Variants in EXTL3 observed in about 807,000 individuals in gnomAD.
The protein encoded by EXTL3 is exostosin-like 3.
In EXTL3, 27 loss-of-function variants were observed where a neutral mutation model predicts 69.3. The ratio of observed to expected loss-of-function variants is 0.39; its 90% confidence interval spans 0.29 to 0.54. The LOEUF (loss-of-function observed/expected upper bound fraction) is 0.54, where lower values mean the gene tolerates loss of function less well. EXTL3 is among the 20% of genes least tolerant of loss of function. EXTL3 has a pLI of 0.69. For synonymous variants in EXTL3, 511 were observed against 499.4 expected, an observed-to-expected ratio of 1.02 and a Z score of -0.31; for missense variants, 1,003 against 1,231.8, an observed-to-expected ratio of 0.81 and a Z score of 2.78.
At chr8:28,668,324 C>CTTTTTTTTTTT (rs71549687) in intron 1 of EXTL3, among the ~76,000 whole-genome samples, 2 of 82,554 alleles carry the variant, frequency 2.4e-5, no homozygotes, top group African/African-American at 5.3e-5. Context: ...AGAGTTGTTA[C>CTTTTTTTTTTT]TTTTTTTTTT....
intron 5 of EXTL3, chr8:28,742,776 A>G (rs1801807232): frequency 8.4e-6 from 3 of 356,060 alleles, no homozygotes; most frequent in East Asian, 6.4e-5. Context: ...ATAGTGTTCA[A>G]TTGAACCAGC....
chr8:28,698,316 T>A (rs150814966), upstream of EXTL3: 1 of 152,154 alleles, frequency 6.6e-6, no homozygotes, highest in Non-Finnish European at 1.5e-5. Context: ...TGAGTTCAGT[T>A]TGGGATATAT....
At chr8:28,737,339 A>G (rs1020452868) in intron 4 of EXTL3, among the ~76,000 whole-genome samples, 180 bp from the exon 5 acceptor site, 1 of 152,216 alleles carries the variant, frequency 6.6e-6, no homozygotes, top group Non-Finnish European at 1.5e-5. Context: ...GAAGCTGAAT[A>G]TGATACCTTA....
upstream of EXTL3, chr8:28,696,859 T>C (rs1257430473): frequency 6.6e-6 from 1 of 152,170 alleles, no homozygotes; most frequent in African/African-American, 2.4e-5. Flanking sequence ...TGTGTGGTGG[T>C]ATATTTTATA....
intron 1 of EXTL3, among the ~76,000 whole-genome samples, chr8:28,647,492 G>C (rs991937376): frequency 6.6e-6 from 1 of 152,168 alleles, no homozygotes; most frequent in Non-Finnish European, 1.5e-5. Flanking sequence ...AGGGATTCCT[G>C]TTGTCATCTG....
intron 1 of EXTL3, among the ~76,000 whole-genome samples, chr8:28,705,426 G>A (rs1800901102): frequency 6.6e-6 from 1 of 152,068 alleles, no homozygotes; most frequent in Admixed American, 6.6e-5. Flanking sequence ...CGAGTCATAA[G>A]CTGATTTAAG....
intron 1 of EXTL3, among the ~76,000 whole-genome samples, chr8:28,638,438 G>T (rs925390655): frequency 4.6e-5 from 7 of 152,180 alleles, no homozygotes; most frequent in African/African-American, 1.7e-4. Flanking sequence ...AGGTCGTCAT[G>T]CTCAGCCTCC....
At chr8:28,740,031 A>G (rs531378960) in intron 5 of EXTL3, 2 of 152,238 alleles carry the variant, frequency 1.3e-5, no homozygotes, top group Non-Finnish European at 2.9e-5. Flanking sequence ...TATAAAGAAG[A>G]TTACAGACTA....
chr8:28,711,876 G>A (rs2299561), intron 1 of EXTL3, among the ~76,000 whole-genome samples: 1 of 151,988 alleles, frequency 6.6e-6, no homozygotes, highest in Admixed American at 6.5e-5. Flanking sequence ...TTGAGAGTTT[G>A]TAGGATGAGG....
rs891171038 is a variant in EXTL3 at position 28,639,882 on chromosome 8, C to A, written c.-53+17072C>A. ...CTTTGGGAGGCCAAGGTGGGCAGAT[C>A]ACTTGAGGTCAGGAGTTCTAGACCA... is the stretch of plus-strand genomic sequence containing the variant. On this transcript the variant is annotated intron_variant, in intron 1 of 6. Coordinates refer to the EXTL3 transcript ENST00000523149. Among the ~76,000 whole-genome samples the A allele has an allele frequency of 5.3e-5, 8 of 152,210 alleles. No individual in the cohort carries two copies. The South Asian group carries it at 8.3e-4, about 16-fold the overall frequency.
At chr8:28,637,050 G>A (rs1806668036) in intron 1 of EXTL3, among the ~76,000 whole-genome samples, 1 of 151,974 alleles carries the variant, frequency 6.6e-6, no homozygotes, top group Non-Finnish European at 1.5e-5. Flanking sequence ...AGGGAGGAAG[G>A]AAACATAGTG....
At chr8:28,670,000 G>T (rs2130639323) in intron 1 of EXTL3, among the ~76,000 whole-genome samples, 1 of 152,170 alleles carries the variant, frequency 6.6e-6, no homozygotes, top group South Asian at 2.1e-4. Flanking sequence ...CCTGAGCCCA[G>T]GAGTTTGAGA....
intron 6 of EXTL3, among the ~76,000 whole-genome samples, chr8:28,744,533 G>A (rs1801845424): frequency 6.6e-6 from 1 of 152,164 alleles, no homozygotes; most frequent in African/African-American, 2.4e-5. Context: ...AGTGGCTTAC[G>A]CCTATAATCC....
At chr8:28,608,548 G>C (rs1366078627) in intron 2 of EXTL3, among the ~76,000 whole-genome samples, 1 of 152,040 alleles carries the variant, frequency 6.6e-6, no homozygotes, top group Non-Finnish European at 1.5e-5. Context: ...CCTTCCTGTA[G>C]AGTGAGATCA....
intron 3 of EXTL3, among the ~76,000 whole-genome samples, chr8:28,728,944 A>G (rs1305244739): frequency 2.0e-5 from 3 of 152,134 alleles, no homozygotes; most frequent in East Asian, 1.9e-4. Context: ...GGGATCATCA[A>G]TTTCACATGC....
rs35991958 is a variant in EXTL3, at chr8:28,660,913, CTT to C, written c.-53+38120_-53+38121del. Among the ~76,000 whole-genome samples the C allele has an allele frequency of 8.6e-3, 842 of 97,520 alleles. 25 individuals are homozygous for C. Among genetic ancestry groups the C allele is most frequent in the African/African-American group, 0.027 (702 of 25,762 alleles). 64.0% of individuals were successfully genotyped at this position (97,520 alleles called of 152,430 possible). On this transcript the variant is annotated intron_variant, in intron 1 of 6. Coordinates refer to the EXTL3 transcript ENST00000523149. The stretch of plus-strand genomic sequence containing the variant: ...AAGTTTTCCTCTCTTTTGTTCGTTT[CTT>C]TTTTTTTTTTTTTTTTGAGACAGAG...
intron 6 of EXTL3, among the ~76,000 whole-genome samples, chr8:28,744,817 C>T (rs1404982956): frequency 1.4e-5 from 2 of 147,608 alleles, no homozygotes; most frequent in South Asian, 2.1e-4. Flanking sequence ...TACACACACA[C>T]GCACACACAG....
At chr8:28,663,495 A>G (rs1807148190) in intron 1 of EXTL3, among the ~76,000 whole-genome samples, 1 of 152,094 alleles carries the variant, frequency 6.6e-6, no homozygotes. Context: ...CTGTGTCGCC[A>G]CGCTAGAGTA....
chr8:28,738,188 C>T (rs1435941093), intron 5 of EXTL3, among the ~76,000 whole-genome samples: 4 of 152,154 alleles, frequency 2.6e-5, no homozygotes, highest in Non-Finnish European at 5.9e-5. Flanking sequence ...GCAGTCTTTC[C>T]TCCTCTACTG....
Sources: gnomAD v4.1 joint callset for allele counts (sites outside exome capture counted in the v4.1 genomes callset) on GRCh38, gnomAD v4.1.1 for gene constraint, MANE v1.5 for transcripts, NCBI Gene and HGNC (gene_info 2026-07-23, HGNC 2026-07-21) for gene names.